Variants in RGS6 observed in about 807,000 individuals in gnomAD.
The protein encoded by RGS6 is regulator of G-protein signaling 6.
A neutral mutation model predicts 78.5 loss-of-function variants in RGS6; 30 were observed. The observed-to-expected ratio is 0.38, with a 90% CI of 0.29 to 0.52. RGS6 has a LOEUF of 0.52. Among genes scored for constraint, RGS6 ranks in the 20% least tolerant of loss-of-function variants. The pLI is 0.85. For synonymous variants in RGS6, 206 were observed against 206.0 expected, an observed-to-expected ratio of 1.00 and a Z score of 0.00; for missense variants, 495 against 609.7, an observed-to-expected ratio of 0.81 and a Z score of 1.98.
At chr14:71,876,004 G>A in the RGS6 span, among the ~76,000 whole-genome samples, 3 of 152,218 alleles carry the variant, frequency 2.0e-5, no homozygotes, top group African/African-American at 7.2e-5. Flanking sequence ...ACTGTGGTCT[G>A]AGAGACAATT....
chr14:72,517,958 G>A (rs1487588865), intron 14 of RGS6, among the ~76,000 whole-genome samples: 1 of 152,174 alleles, frequency 6.6e-6, no homozygotes, highest in Non-Finnish European at 1.5e-5. Flanking sequence ...AACTTGGGAA[G>A]GGGGGTTGCT....
chr14:71,935,188 G>A (rs1035780140), intron 1 of RGS6, among the ~76,000 whole-genome samples: 5 of 152,200 alleles, frequency 3.3e-5, no homozygotes, highest in East Asian at 1.9e-4. Flanking sequence ...ATCAACTTTC[G>A]TGTTGAGTGA....
At chr14:72,201,657 C>T (rs2153738535) in intron 2 of RGS6, among the ~76,000 whole-genome samples, 1 of 152,256 alleles carries the variant, frequency 6.6e-6, no homozygotes, top group East Asian at 1.9e-4. Context: ...CTCACCAATC[C>T]CACTTCCCAA....
chr14:71,943,157 T>C (rs1198422690), intron 1 of RGS6, among the ~76,000 whole-genome samples: 2 of 152,190 alleles, frequency 1.3e-5, no homozygotes, highest in Admixed American at 6.5e-5. Flanking sequence ...AAGACCTGGC[T>C]AGTCTGGAGC....
chr14:72,555,439 G>A (rs140556857), intron 17 of RGS6, among the ~76,000 whole-genome samples: 6 of 152,332 alleles, frequency 3.9e-5, no homozygotes, highest in African/African-American at 1.2e-4. Flanking sequence ...AAGCCGCTTC[G>A]CAGCATAGAA....
the RGS6 span, among the ~76,000 whole-genome samples, chr14:71,884,391 G>A: frequency 1.3e-5 from 2 of 152,206 alleles, no homozygotes; most frequent in African/African-American, 4.8e-5. Flanking sequence ...GCTTGTCAGT[G>A]GAGTGCTGAA....
intron 6 of RGS6, among the ~76,000 whole-genome samples, chr14:72,460,888 C>T (rs1281246087): frequency 1.3e-5 from 2 of 151,928 alleles, no homozygotes; most frequent in Admixed American, 6.6e-5. Context: ...AGGAAACCAA[C>T]AACAGGGAGC....
At chr14:72,125,971 A>T (rs1385824080) in intron 2 of RGS6, among the ~76,000 whole-genome samples, 1 of 152,160 alleles carries the variant, frequency 6.6e-6, no homozygotes, top group East Asian at 1.9e-4. Flanking sequence ...GAAGCTAGTG[A>T]GAGTTTAGAT....
chr14:72,144,956 G>T lies in RGS6; in HGVS notation c.84+180081G>T, dbSNP rs1014219217. Among the ~76,000 whole-genome samples, 6 of 152,204 alleles carry T rather than the reference G, an allele frequency of 3.9e-5. No homozygotes were observed. The East Asian group carries it at 9.7e-4, about 25-fold the overall frequency. ...AGAGTTTTTAAAGATAATTTGGCAG[G>T]TAGGGGCTCAGGAAGCGAGGAGTGA... On this transcript the variant is annotated intron_variant, in intron 2 of 17. Transcript: ENST00000553525.
At chr14:72,059,143 G>A (rs536646992) in intron 2 of RGS6, among the ~76,000 whole-genome samples, 12 of 152,174 alleles carry the variant, frequency 7.9e-5, no homozygotes, top group East Asian at 7.8e-4. Context: ...CAAGTGATCC[G>A]CCTGCCTCAG....
chr14:72,199,125 A>C (rs2040881837), intron 2 of RGS6, among the ~76,000 whole-genome samples: 1 of 152,164 alleles, frequency 6.6e-6, no homozygotes, highest in African/African-American at 2.4e-5. Context: ...GGAGAAGGGA[A>C]TTGATTTGTA....
intron 2 of RGS6, among the ~76,000 whole-genome samples, chr14:72,338,511 C>T (rs768497750): frequency 2.6e-5 from 4 of 152,216 alleles, no homozygotes; most frequent in Non-Finnish European, 4.4e-5. Context: ...AAGGGAGATA[C>T]ACTTCAAGAT....
At chr14:72,370,518 G>T (rs982630207) in intron 3 of RGS6, among the ~76,000 whole-genome samples, 16 of 152,136 alleles carry the variant, frequency 1.1e-4, no homozygotes, top group African/African-American at 3.4e-4. Context: ...CATCTTAACC[G>T]CACGGGGAGG....
chr14:72,396,120 A>G (rs1347118359), intron 3 of RGS6, among the ~76,000 whole-genome samples: 1 of 152,208 alleles, frequency 6.6e-6, no homozygotes, highest in Non-Finnish European at 1.5e-5. Context: ...CAACTTCCAC[A>G]ATGGTTGAAC....
the RGS6 span, among the ~76,000 whole-genome samples, chr14:71,890,626 A>G: frequency 3.3e-5 from 5 of 152,208 alleles, no homozygotes; most frequent in East Asian, 1.9e-4. Flanking sequence ...AGATTCTGCC[A>G]TGGATGTTTT....
At chr14:72,205,222 G>T (rs976139401) in intron 2 of RGS6, among the ~76,000 whole-genome samples, 6 of 151,942 alleles carry the variant, frequency 3.9e-5, no homozygotes, top group Admixed American at 2.6e-4. Flanking sequence ...CCCTCCCTCA[G>T]TTGCTCACAT....
chr14:72,469,044 A>G (rs895527269), intron 7 of RGS6, among the ~76,000 whole-genome samples: 1 of 152,048 alleles, frequency 6.6e-6, no homozygotes, highest in African/African-American at 2.4e-5. Context: ...GCGCCTGTCA[A>G]ACTCCCCTCC....
At chr14:72,138,778 T>C (rs1016250338) in intron 2 of RGS6, among the ~76,000 whole-genome samples, 6 of 152,132 alleles carry the variant, frequency 3.9e-5, no homozygotes, top group Non-Finnish European at 5.9e-5. Flanking sequence ...ATCTAGGATG[T>C]GTGCTCCTTA....
At chr14:72,198,869 C>G (rs1015618626) in intron 2 of RGS6, among the ~76,000 whole-genome samples, 3 of 152,216 alleles carry the variant, frequency 2.0e-5, no homozygotes, top group Non-Finnish European at 4.4e-5. Context: ...GAAAGTGGTA[C>G]TAGCTGACAA....
Sources: gnomAD v4.1 joint callset for allele counts (sites outside exome capture counted in the v4.1 genomes callset) on GRCh38, gnomAD v4.1.1 for gene constraint, MANE v1.5 for transcripts, NCBI Gene and HGNC (gene_info 2026-07-23, HGNC 2026-07-21) for gene names.